Variants in TRIM2 observed in about 807,000 individuals in gnomAD.
The protein encoded by TRIM2 is tripartite motif containing 2, also known as tripartite motif-containing protein 2.
TRIM2 carries 20 observed loss-of-function variants against 75.2 expected under a neutral mutation model. That is an observed-to-expected ratio of 0.27 (90% CI 0.19 to 0.39). The LOEUF is 0.39. Among genes scored for constraint, TRIM2 ranks in the 10% least tolerant of loss-of-function variants. TRIM2 has a pLI of 1.00. For synonymous variants in TRIM2, 373 were observed against 388.3 expected (o/e 0.96, Z 0.46); for missense variants, 660 against 990.8 (o/e 0.67, Z 4.48).
chr4:153,316,426 TA>T (rs1449186154), intron 8 of TRIM2, among the ~76,000 whole-genome samples: 1 of 152,174 alleles, frequency 6.6e-6, no homozygotes, highest in Non-Finnish European at 1.5e-5. Context: ...AACAGAATTG[TA>T]AAAAATAGTT....
rs1579829098 is a variant in TRIM2 at position 153,332,935 on chromosome 4, A to G, written c.2164-1879A>G. On this transcript the variant is annotated intron_variant, in intron 11 of 11. Coordinates refer to ENST00000338700, the MANE Select transcript of TRIM2 (RefSeq NM_015271.5). ...GTATTTCTTTAAAAACTAAACATAT[A>G]CTTACCATACAACCCATAAATTATA... Among the ~76,000 whole-genome samples the G allele has an allele frequency of 2.0e-5, 3 of 152,362 alleles. No homozygotes were observed. In the South Asian group the frequency reaches 6.2e-4, roughly 32 times the overall value.
At chr4:153,230,507 A>C (rs1743334872) in intron 1 of TRIM2, among the ~76,000 whole-genome samples, 1 of 152,168 alleles carries the variant, frequency 6.6e-6, no homozygotes, top group Admixed American at 6.5e-5. Flanking sequence ...AAACCAGTAG[A>C]ATTCAGTTAC....
At chr4:153,322,467 G>A (rs1025087745) in intron 8 of TRIM2, among the ~76,000 whole-genome samples, 181 bp from the exon 9 acceptor site, 2 of 152,138 alleles carry the variant, frequency 1.3e-5, no homozygotes, top group African/African-American at 2.4e-5. Context: ...ATCAGCAGCA[G>A]ATAATGGATG....
At chr4:153,188,759 A>G (rs1732879744) in intron 1 of TRIM2, among the ~76,000 whole-genome samples, 1 of 152,138 alleles carries the variant, frequency 6.6e-6, no homozygotes, top group Non-Finnish European at 1.5e-5. Context: ...CAAAAAAAAA[A>G]AAAGGAAGGA....
intron 1 of TRIM2, among the ~76,000 whole-genome samples, chr4:153,185,926 A>G (rs1732550548): frequency 6.6e-6 from 1 of 152,200 alleles, no homozygotes; most frequent in African/African-American, 2.4e-5. Context: ...AGTAAAGTGC[A>G]CTTTCCAGAC....
chr4:153,258,808 G>A lies in TRIM2; in HGVS notation c.31-11527G>A, dbSNP rs534896877. 4.6e-5 allele frequency among the ~76,000 whole-genome samples: 7 copies of A among 152,254 alleles called. No individual in the cohort carries two copies. The East Asian group carries it at 9.6e-4, about 21-fold the overall frequency. On this transcript the variant is annotated intron_variant, in intron 1 of 11. Coordinates refer to ENST00000338700, the MANE Select transcript of TRIM2 (RefSeq NM_015271.5). ...GTTCATGCAGAATTCTTCAAATGAC[G>A]TCTTAGTGTTAGGATTCAGTTCTGC...
rs188932765 is a variant in TRIM2, at chr4:153,252,988, A to G, written c.31-17347A>G. Among the ~76,000 whole-genome samples the G allele has an allele frequency of 4.9e-4, 74 of 152,336 alleles. 1 individual carries two copies. The highest frequency in any genetic ancestry group is 1.7e-3 in the African/African-American group (70 of 41,576). On this transcript the variant is annotated intron_variant, in intron 1 of 11. Coordinates refer to ENST00000338700, the MANE Select transcript of TRIM2 (RefSeq NM_015271.5). ...ATTGGGCACCTAGTATGTGACAGGC[A>G]CTGCACTAAGGGTTAGTGAATTAAA...
At position 153,336,418 on chromosome 4, in the gene TRIM2, T is replaced by C. The variant is rs1772461624; in HGVS notation, c.*1452T>C. On this transcript the variant is annotated 3_prime_UTR_variant, in exon 12 of 12. Coordinates refer to ENST00000338700, the MANE Select transcript of TRIM2 (RefSeq NM_015271.5). ...AACAGGTCAAAATAAAAGTTGAACT[T>C]GAGTTACATTTAATTTAAATATAAA... 1 of 984,398 alleles carries C rather than the reference T, an allele frequency of 1.0e-6. No homozygotes were observed. Among genetic ancestry groups the C allele is most frequent in the African/African-American group, 1.8e-5 (1 of 57,082 alleles). 61.0% of individuals were successfully genotyped at this position (984,398 alleles called of 1,614,324 possible).
intron 4 of TRIM2, among the ~76,000 whole-genome samples, chr4:153,293,928 C>A (rs577377276): frequency 2.0e-5 from 3 of 151,930 alleles, no homozygotes; most frequent in Non-Finnish European, 4.4e-5. Flanking sequence ...GGAGGCAGGG[C>A]GGGGAGAGCT....
At chr4:153,272,907 T>C (rs1232982741) in intron 2 of TRIM2, among the ~76,000 whole-genome samples, 1 of 152,210 alleles carries the variant, frequency 6.6e-6, no homozygotes, top group Non-Finnish European at 1.5e-5. Flanking sequence ...TGGCGCTATC[T>C]CGGCTCACCG....
At chr4:153,328,780 T>C (rs1770811146) in intron 11 of TRIM2, 110 bp downstream of exon 11, 1 of 1,224,950 alleles carries the variant, frequency 8.2e-7, no homozygotes, top group Non-Finnish European at 1.1e-6. Context: ...GGTTAGGACA[T>C]AGAACCATAG....
chr4:153,157,951 TCTGA>T (rs1283450587), intron 1 of TRIM2, among the ~76,000 whole-genome samples: 1 of 152,224 alleles, frequency 6.6e-6, no homozygotes, highest in Non-Finnish European at 1.5e-5. Flanking sequence ...AATGTCAGGC[TCTGA>T]CTATTTCTGG....
intron 6 of TRIM2, among the ~76,000 whole-genome samples, chr4:153,313,228 A>G (rs932111522): frequency 2.0e-5 from 3 of 152,132 alleles, no homozygotes; most frequent in Admixed American, 2.0e-4. Context: ...TGGGGATTCT[A>G]TGTGGGTCGT....
At chr4:153,153,348 G>A (rs973056474) in intron 1 of TRIM2, 2 of 152,280 alleles carry the variant, frequency 1.3e-5, no homozygotes. Flanking sequence ...GGGACGGAAA[G>A]GCAGGGATAG....
intron 3 of TRIM2, among the ~76,000 whole-genome samples, chr4:153,285,221 C>G (rs1328624718): frequency 1.3e-5 from 2 of 152,072 alleles, no homozygotes; most frequent in Non-Finnish European, 2.9e-5. Context: ...GTGTTGACAC[C>G]CTTGTCAAGA....
intron 6 of TRIM2, among the ~76,000 whole-genome samples, chr4:153,313,946 CT>C (rs1766950907): frequency 1.3e-5 from 2 of 152,072 alleles, no homozygotes; most frequent in Admixed American, 6.6e-5. Flanking sequence ...CCAAATTGCT[CT>C]TTTGAATATA....
chr4:153,245,214 C>T (rs1396638802), intron 1 of TRIM2, among the ~76,000 whole-genome samples: 1 of 152,218 alleles, frequency 6.6e-6, no homozygotes, highest in African/African-American at 2.4e-5. Context: ...CTGCACAAGC[C>T]AATGGTAAGT....
intron 1 of TRIM2, among the ~76,000 whole-genome samples, chr4:153,259,502 T>A (rs945681234): frequency 6.6e-6 from 1 of 152,228 alleles, no homozygotes; most frequent in African/African-American, 2.4e-5. Flanking sequence ...ATATTTGAGG[T>A]ATTATTGAAA....
At chr4:153,242,113 C>T (rs968306261) in intron 1 of TRIM2, among the ~76,000 whole-genome samples, 7 of 152,200 alleles carry the variant, frequency 4.6e-5, no homozygotes, top group Admixed American at 1.3e-4. Flanking sequence ...TTGAATAAAT[C>T]TGTGTGCTTT....
Sources: allele counts gnomAD v4.1 joint callset (sites outside exome capture counted in the v4.1 genomes callset), GRCh38; gene constraint gnomAD v4.1.1; transcripts MANE v1.5; gene names NCBI Gene and HGNC (gene_info 2026-07-23, HGNC 2026-07-21).